GPR18: variants seen among roughly 807,000 people sequenced by gnomAD.
GPR18 encodes G protein-coupled receptor 18, also known as N-arachidonyl glycine receptor.
A neutral mutation model predicts 22.8 loss-of-function variants in GPR18; 20 were observed. The observed-to-expected ratio is 0.88, with a 90% CI of 0.62 to 1.28. The LOEUF (loss-of-function observed/expected upper bound fraction) is 1.28, where lower values mean the gene tolerates loss of function less well. Ranked by LOEUF, GPR18 falls within the 50% of genes most tolerant of loss-of-function variation. GPR18 has a pLI of 0.00. For missense variants in GPR18, 379 were observed against 412.0 expected, an observed-to-expected ratio of 0.92 and a Z score of 0.69; for synonymous variants, 160 against 155.3, an observed-to-expected ratio of 1.03 and a Z score of -0.22.
chr13:99,255,468 C>A lies in GPR18; in HGVS notation c.405G>T (p.Thr135=), dbSNP rs143171650. Residue 135 remains threonine, a synonymous_variant, in exon 2 of 2, where the codon ACG becomes ACT. Coordinates refer to ENST00000397470, the MANE Select transcript of GPR18 (RefSeq NM_001098200.2). The part of the protein sequence containing the change: ...QPKYAKELKN[T]CKAVLACVGV... Reference sequence around the variant, plus strand: ...CCACACACGCCAGCACGGCTTTGCACGTGTTTTTAAGTTCTTTGGCGTACT... The same window carrying A: ...CCACACACGCCAGCACGGCTTTGCAAGTGTTTTTAAGTTCTTTGGCGTACT... The A allele has an allele frequency of 4.5e-5, 73 of 1,613,898 alleles. No homozygotes were observed. Among genetic ancestry groups the A allele is most frequent in the Admixed American group, 2.2e-4 (13 of 59,982 alleles).
chr13:99,254,786 G>A lies in GPR18; in HGVS notation c.*91C>T, dbSNP rs1186393892. ...TGAATTTATTTTTTCAAGAGAAAAG[G>A]GACTTGATAGTATTATACAGAATAT... is the stretch of plus-strand genomic sequence containing the variant. On this transcript the variant is annotated 3_prime_UTR_variant, in exon 2 of 2. Transcript: ENST00000397470. The A allele has an allele frequency of 1.0e-5, 9 of 897,176 alleles. No homozygotes were observed. The highest frequency in any genetic ancestry group is 1.2e-5 in the Non-Finnish European group (7 of 597,096). The allele number at this position is 897,176 out of a possible 1,614,324, so 55.6% of individuals were successfully genotyped here. A position where few individuals can be genotyped will look rare whatever the true frequency, so the allele number is the denominator to read the frequency against.
At position 99,254,756 on chromosome 13, in the gene GPR18, G is replaced by A. The variant is rs1444757820; in HGVS notation, c.*121C>T. 1.8e-5 allele frequency: 13 copies of A among 729,342 alleles called. No individual in the cohort carries two copies. Among genetic ancestry groups the A allele is most frequent in the Admixed American group, 3.0e-5 (1 of 33,016 alleles). The allele number at this position is 729,342 out of a possible 1,614,324, so 45.2% of individuals were successfully genotyped here. ...GTTTTATATAAGTTTTTAAAATGAA[G>A]ATAATGAATTTATTTTTTCAAGAGA... On this transcript the variant is annotated 3_prime_UTR_variant, in exon 2 of 2. Transcript: ENST00000397470.
rs1157916361 is a variant in GPR18 at position 99,255,918 on chromosome 13, G to T, written c.-34-12C>A. On this transcript the variant is annotated splice_polypyrimidine_tract_variant and intron_variant, in intron 1 of 1. Coordinates refer to ENST00000397470, the MANE Select transcript of GPR18 (RefSeq NM_001098200.2). ...ATGATACTTAGAAACTGTAAAAATA[G>T]TTAAGAAAAATAAGAATAAAATCGT... 35 of 1,459,138 alleles carry T rather than the reference G, an allele frequency of 2.4e-5. No individual in the cohort carries two copies. The highest frequency in any genetic ancestry group is 3.1e-5 in the Non-Finnish European group (34 of 1,096,946). The allele number at this position is 1,459,138 out of a possible 1,614,324, so 90.4% of individuals were successfully genotyped here. A position where few individuals can be genotyped will look rare whatever the true frequency, so the allele number is the denominator to read the frequency against.
Position 99,255,035 on chromosome 13 carries a change from A to G in GPR18, c.838T>C (p.Cys280Arg). The stretch of plus-strand genomic sequence containing the variant: ...ATGTAGTAGAGAATCACATCCAGAC[A>G]CGTGCTGAGGTTCATGAGGAAGGTG... ...FTTFLMNLST[C>R]LDVILYYIVS... Residue 280 changes from cysteine (C) to arginine (R), a missense_variant, in exon 2 of 2, where the codon TGT becomes CGT. Coordinates refer to ENST00000397470, the MANE Select transcript of GPR18 (RefSeq NM_001098200.2). The G allele has an allele frequency of 1.2e-6, 2 of 1,614,160 alleles. No individual in the cohort carries two copies. Among genetic ancestry groups the G allele is most frequent in the Non-Finnish European group, 1.7e-6 (2 of 1,180,018 alleles).
Position 99,255,673 on chromosome 13 carries a change from A to G in GPR18, c.200T>C (p.Val67Ala), listed in dbSNP as rs771953548. The G allele has an allele frequency of 6.2e-7, 1 of 1,613,854 alleles. No homozygotes were observed. Among genetic ancestry groups the G allele is most frequent in the South Asian group, 1.1e-5 (1 of 91,054 alleles). The change falls in exon 2 of 2, where the codon GTG becomes GCG. Residue 67 changes from valine (V) to alanine (A), a missense_variant. Physicochemically the swap from Val to Ala is moderately conservative, Grantham distance 64 (BLOSUM62 0). Transcript: ENST00000397470. ...TAAAGTCATTATAAATATCAAGTCC[A>G]CTAATGCCACATTCATCATATAGAT... ...VTIYMMNVAL[V>A]DLIFIMTLPF...
In GPR18 at chr13:99,255,751, A is replaced by T; in HGVS notation, c.122T>A (p.Ile41Asn). 6.2e-7 allele frequency: 1 copy of T among 1,614,108 alleles called. No individual in the cohort carries two copies. Residue 41 changes from isoleucine (I) to asparagine (N), a missense_variant, in exon 2 of 2, where the codon ATC becomes AAC. Transcript: ENST00000397470. ...ACAACTGAAAACCCATAATGCAGTG[A>T]TGTTAACAAATAATCCAATTATGAA... is the stretch of plus-strand genomic sequence containing the variant. Reference protein sequence around the residue: ...CIFIIGLFVNITALWVFSCTT... With the variant: ...CIFIIGLFVNNTALWVFSCTT...
chr13:99,255,845 G>A lies in GPR18; in HGVS notation c.28C>T (p.Pro10Ser). The A allele has an allele frequency of 6.3e-7, 1 of 1,595,128 alleles. No individual in the cohort carries two copies. The highest frequency in any genetic ancestry group is 1.1e-5 in the South Asian group (1 of 88,008). Residue 10 changes from proline to serine, a missense_variant, in exon 2 of 2, where the codon CCT becomes TCT. Transcript: ENST00000397470. Reference protein sequence around the residue: MITLNNQDQPVPFNSSHPDE... With the variant: MITLNNQDQSVPFNSSHPDE... The stretch of plus-strand genomic sequence containing the variant: ...GGATGTGAGCTGTTAAAAGGGACAG[G>A]TTGATCTTGATTGTTCAGGGTGATC...
chr13:99,256,442 T>G (rs1374082208), intron 1 of GPR18: 1 of 152,198 alleles, frequency 6.6e-6, no homozygotes, highest in Non-Finnish European at 1.5e-5. Flanking sequence ...TAGTGCACAA[T>G]TGGGAGTACG....
chr13:99,257,642 G>T (rs2138634065), intron 1 of GPR18, among the ~76,000 whole-genome samples: 1 of 152,254 alleles, frequency 6.6e-6, no homozygotes, highest in South Asian at 2.1e-4. Context: ...ATTGAAAAGT[G>T]ATTGACTTTA....
Position 99,255,534 on chromosome 13 carries a change from G to C in GPR18, c.339C>G (p.Ala113=). The C allele has an allele frequency of 6.2e-7, 1 of 1,614,168 alleles. No individual in the cohort carries two copies. The highest frequency in any genetic ancestry group is 8.5e-7 in the Non-Finnish European group (1 of 1,180,034). ...CCATGTATCTGTCAGCACTAATAAA[G>C]GCAAGAAGCCATAAAGCAATGCTTG... ...FYPSIALWLL[A]FISADRYMAI... is the part of the protein sequence containing the mutation. Residue 113 remains alanine (A), a synonymous_variant, in exon 2 of 2, where the codon GCC becomes GCG. Coordinates refer to ENST00000397470, the MANE Select transcript of GPR18 (RefSeq NM_001098200.2).
Position 99,255,810 on chromosome 13 carries a change from G to A in GPR18, c.63C>T (p.Tyr21=). 1 of 1,610,212 alleles carries A rather than the reference G, an allele frequency of 6.2e-7. No individual in the cohort carries two copies. Among genetic ancestry groups the A allele is most frequent in the Non-Finnish European group, 8.5e-7 (1 of 1,178,038 alleles). ...TATAGAAGACAAGGGCTGCAATTTT[G>A]TATTCATCTGGATGTGAGCTGTTAA... ...VPFNSSHPDE[Y]KIAALVFYSC... is the part of the protein sequence containing the mutation. Residue 21 remains tyrosine (Y), a synonymous_variant, in exon 2 of 2, where the codon TAC becomes TAT. Transcript: ENST00000397470.
intron 1 of GPR18, chr13:99,256,606 T>C (rs542612893): frequency 2.0e-5 from 3 of 151,962 alleles, no homozygotes; most frequent in Non-Finnish European, 4.4e-5. Flanking sequence ...ATTTTAACAA[T>C]TTTCAAAGTA....
Position 99,255,561 on chromosome 13 carries a change from G to T in GPR18, c.312C>A (p.Tyr104Ter). 1 of 1,614,146 alleles carries T rather than the reference G, an allele frequency of 6.2e-7. No homozygotes were observed. The highest frequency in any genetic ancestry group is 2.2e-5 in the East Asian group (1 of 44,890). The change falls in exon 2 of 2, where the codon TAC becomes TAA. Residue 104 changes from tyrosine (Y) to a stop codon, truncating the protein, a stop_gained. Transcript: ENST00000397470. LOFTEE classifies it high-confidence loss of function. ...CQILGALTVF[Y>*]PSIALWLLAF... ...CAAGAAGCCATAAAGCAATGCTTGG[G>T]TAAAACACTGTGAGAGCTCCAAGAA...
At position 99,254,932 on chromosome 13, in the gene GPR18, CTT is replaced by C. The variant is rs769289500; in HGVS notation, c.939_940del (p.Ser314PhefsTer5). The C allele has an allele frequency of 6.2e-6, 10 of 1,613,876 alleles. No homozygotes were observed. Among genetic ancestry groups the C allele is most frequent in the Admixed American group, 1.7e-5 (1 of 59,964 alleles). The stretch of plus-strand genomic sequence containing the variant: ...TGACCGTAGACTACCAGATCGGAAA[CTT>C]TTTCTGCGCATGCTTCGAAGGTAAT... On this transcript the variant is annotated frameshift_variant, in exon 2 of 2. Coordinates refer to ENST00000397470, the MANE Select transcript of GPR18 (RefSeq NM_001098200.2). LOFTEE classifies it high-confidence loss of function.
Position 99,255,142 on chromosome 13 carries a change from C to G in GPR18, c.731G>C (p.Cys244Ser). ...IITLLVQVLVCFMPFHICFAF... is the reference protein window; with the variant it reads ...IITLLVQVLVSFMPFHICFAF... Reference sequence around the variant, plus strand: ...GAAACAGATGTGGAAGGGCATAAAGCAGACGAGCACCTGCACCAGCAGCGT... The same window carrying G: ...GAAACAGATGTGGAAGGGCATAAAGGAGACGAGCACCTGCACCAGCAGCGT... The change falls in exon 2 of 2, where the codon TGC becomes TCC. Residue 244 changes from cysteine (C) to serine (S), a missense_variant. Physicochemically the swap from Cys to Ser is moderately radical, Grantham distance 112. Transcript: ENST00000397470. 6.2e-7 allele frequency: 1 copy of G among 1,614,132 alleles called. No individual in the cohort carries two copies. Among genetic ancestry groups the G allele is most frequent in the Non-Finnish European group, 8.5e-7 (1 of 1,180,040 alleles).
chr13:99,255,666 C>T lies in GPR18; in HGVS notation c.207G>A (p.Leu69=). The T allele has an allele frequency of 6.2e-7, 1 of 1,613,918 alleles. No individual in the cohort carries two copies. Among genetic ancestry groups the T allele is most frequent in the Non-Finnish European group, 8.5e-7 (1 of 1,179,914 alleles). The change falls in exon 2 of 2, where the codon TTG becomes TTA. Residue 69 remains leucine (L), a synonymous_variant. Transcript: ENST00000397470. ...IYMMNVALVD[L]IFIMTLPFRM... ...GAAAGGGTAAAGTCATTATAAATATCAAGTCCACTAATGCCACATTCATCA... is the reference window on the plus strand; with the variant it reads ...GAAAGGGTAAAGTCATTATAAATATTAAGTCCACTAATGCCACATTCATCA...
rs1379749952 is a variant in GPR18 at position 99,258,129 on chromosome 13, ATGAAGTTAAT to A, written c.-35+15_-35+24del. 3 of 152,366 alleles carry A rather than the reference ATGAAGTTAAT, an allele frequency of 2.0e-5. No homozygotes were observed. In the East Asian group the frequency reaches 5.8e-4, roughly 29 times the overall value. The allele number at this position is 152,366 out of a possible 1,614,324, so 9.4% of individuals were successfully genotyped here. A position where few individuals can be genotyped will look rare whatever the true frequency, so the allele number is the denominator to read the frequency against. On this transcript the variant is annotated intron_variant, in intron 1 of 1. Coordinates refer to ENST00000397470, the MANE Select transcript of GPR18 (RefSeq NM_001098200.2). ...TAAAGCATTACTTTTGACAATAATC[ATGAAGTTAAT>A]TAAATGCTGCTTACCTCCTGTCCAT...
Position 99,254,912 on chromosome 13 carries a change from G to T in GPR18, c.961C>A (p.Arg321=). The change falls in exon 2 of 2, where the codon CGG becomes AGG. Residue 321 remains arginine, a synonymous_variant. Transcript: ENST00000397470. ...TCACTGTTTATATTGCTTAGTGACC[G>T]TAGACTACCAGATCGGAAACTTTTT... ...RRKSFRSGSL[R]SLSNINSEML is the part of the protein sequence containing the mutation. 1 of 1,613,874 alleles carries T rather than the reference G, an allele frequency of 6.2e-7. No homozygotes were observed. Among genetic ancestry groups the T allele is most frequent in the South Asian group, 1.1e-5 (1 of 91,068 alleles).
At chr13:99,255,941 C>A (rs766408007) in intron 1 of GPR18, 35 bp from the exon 2 acceptor site, 4 of 1,408,734 alleles carry the variant, frequency 2.8e-6, no homozygotes, top group Non-Finnish European at 2.9e-6. Flanking sequence ...AGAATAAAAT[C>A]GTTGGTTAAA....
Sources: allele counts gnomAD v4.1 joint callset (sites outside exome capture counted in the v4.1 genomes callset), GRCh38; gene constraint gnomAD v4.1.1; transcripts MANE v1.5; gene names NCBI Gene and HGNC (gene_info 2026-07-23, HGNC 2026-07-21).